The following TAOK1 variants were observed in gnomAD, a reference collection of about 807,000 sequenced individuals.
TAOK1 encodes TAO kinase 1.
A neutral mutation model predicts 138.3 loss-of-function variants in TAOK1; 21 were observed. The ratio of observed to expected loss-of-function variants is 0.15; its 90% CI spans 0.11 to 0.22. The LOEUF (loss-of-function observed/expected upper bound fraction) is 0.22, where lower values mean the gene tolerates loss of function less well. TAOK1 is among the 10% of genes least tolerant of loss of function. The pLI, the probability that TAOK1 is intolerant of heterozygous loss-of-function variation, is 1.00. For missense variants in TAOK1, 651 were observed against 1,227.7 expected (o/e 0.53, Z 7.02); for synonymous variants, 361 against 398.4 (o/e 0.91, Z 1.12).
At chr17:29,419,526 T>C (rs928569201) in intron 1 of TAOK1, among the ~76,000 whole-genome samples, 1 of 146,584 alleles carries the variant, frequency 6.8e-6, no homozygotes, top group African/African-American at 2.5e-5. Context: ...AATCTCTCTC[T>C]CTGTTGTCTA....
chr17:29,443,316 C>T (rs1190358584), intron 1 of TAOK1, among the ~76,000 whole-genome samples: 1 of 152,138 alleles, frequency 6.6e-6, no homozygotes, highest in East Asian at 1.9e-4. Context: ...ATTATCAGTA[C>T]CTTCCCCCAT....
chr17:29,405,523 A>C (rs1904964909), intron 1 of TAOK1, among the ~76,000 whole-genome samples: 1 of 152,122 alleles, frequency 6.6e-6, no homozygotes. Context: ...TCATGCCTGT[A>C]ATCCCAGCAT....
rs569238380 is a variant in TAOK1 at position 29,548,576 on chromosome 17, A to G, written c.*5554A>G. 6.6e-6 allele frequency: 1 copy of G among 152,222 alleles called. No individual in the cohort carries two copies. The highest frequency in any genetic ancestry group is 1.9e-4 in the East Asian group (1 of 5,190). 9.4% of individuals were successfully genotyped at this position (152,222 alleles called of 1,614,324 possible). ...TTTGTCATGAAAAAGTGGAGAGAAGATGAGACTTTTGAATGAATGAAAAAG... is the reference window on the plus strand; with the variant it reads ...TTTGTCATGAAAAAGTGGAGAGAAGGTGAGACTTTTGAATGAATGAAAAAG... On this transcript the variant is annotated 3_prime_UTR_variant, in exon 20 of 20. Transcript: ENST00000261716.
chr17:29,528,665 C>A (rs2032052322), intron 17 of TAOK1, among the ~76,000 whole-genome samples: 1 of 151,504 alleles, frequency 6.6e-6, no homozygotes, highest in Non-Finnish European at 1.5e-5. Flanking sequence ...CATGGTGAAA[C>A]CCTGTCTCTA....
intron 18 of TAOK1, among the ~76,000 whole-genome samples, chr17:29,532,997 C>G (rs1212697547): frequency 3.6e-4 from 1 of 2,816 alleles, no homozygotes; most frequent in Non-Finnish European, 1.0e-3. Context: ...CTGACCCCCC[C>G]ACCTCCAACC....
intron 2 of TAOK1, among the ~76,000 whole-genome samples, chr17:29,464,363 G>A (rs1379423728): frequency 6.6e-6 from 1 of 150,592 alleles, no homozygotes; most frequent in African/African-American, 2.4e-5. Context: ...AGAATGGCAT[G>A]AACCTGGGAG....
intron 1 of TAOK1, among the ~76,000 whole-genome samples, chr17:29,397,021 A>T (rs1362099676): frequency 8.1e-6 from 1 of 123,948 alleles, no homozygotes; most frequent in Non-Finnish European, 1.6e-5. Context: ...AGGGCTGGGC[A>T]TGGTGGCTCA....
chr17:29,442,220 A>AT (rs1349141458), intron 1 of TAOK1, among the ~76,000 whole-genome samples: 2 of 151,458 alleles, frequency 1.3e-5, no homozygotes, highest in Admixed American at 1.3e-4. Context: ...TAATTTTCAC[A>AT]TTTTTTGTAG....
intron 10 of TAOK1, among the ~76,000 whole-genome samples, chr17:29,492,898 T>C (rs961357208): frequency 6.6e-6 from 1 of 152,186 alleles, no homozygotes; most frequent in African/African-American, 2.4e-5. Context: ...CCCAGCTCTT[T>C]GGGAGGCCGA....
At chr17:29,469,537 A>G (rs1461064193) in intron 3 of TAOK1, among the ~76,000 whole-genome samples, 2 of 152,148 alleles carry the variant, frequency 1.3e-5, no homozygotes, top group Non-Finnish European at 2.9e-5. Context: ...TAGGTACTTA[A>G]TATAAGTGGA....
chr17:29,462,528 G>T (rs4794858), intron 2 of TAOK1, among the ~76,000 whole-genome samples: 122,209 of 152,120 alleles, frequency 0.8, 49,877 homozygotes, highest in East Asian at 0.98. Context: ...ACAAAGTGGG[G>T]TTTTGTTCAT....
intron 1 of TAOK1, among the ~76,000 whole-genome samples, chr17:29,397,712 T>G (rs920958387): frequency 2.0e-4 from 13 of 65,802 alleles, no homozygotes; most frequent in Admixed American, 3.1e-4. Context: ...CATACATGAA[T>G]ATACATGTAT....
At chr17:29,536,892 G>A (rs11868715) in intron 19 of TAOK1, among the ~76,000 whole-genome samples, 5,601 of 151,972 alleles carry the variant, frequency 0.037, 362 homozygotes, top group African/African-American at 0.13. Context: ...AGTAGAGACA[G>A]GGTTTCACCG....
chr17:29,519,525 A>G (rs868637156), intron 16 of TAOK1, among the ~76,000 whole-genome samples: 2 of 151,568 alleles, frequency 1.3e-5, no homozygotes, highest in South Asian at 2.1e-4. Context: ...TCTCAGAAAA[A>G]AAAAGAAAAG....
chr17:29,423,377 G>A (rs933326390), intron 1 of TAOK1, among the ~76,000 whole-genome samples: 3 of 151,330 alleles, frequency 2.0e-5, no homozygotes, highest in East Asian at 3.9e-4. Flanking sequence ...CACCACGCCC[G>A]GCTAATTTTT....
chr17:29,436,837 G>C (rs972423617), intron 1 of TAOK1, among the ~76,000 whole-genome samples: 1 of 152,100 alleles, frequency 6.6e-6, no homozygotes, highest in African/African-American at 2.4e-5. Flanking sequence ...ACATAATCCT[G>C]TTTGCCTTTC....
At chr17:29,491,713 G>A (rs1269679373) in intron 9 of TAOK1, 71 bp from the exon 10 acceptor site, 11 of 1,069,516 alleles carry the variant, frequency 1.0e-5, no homozygotes, top group South Asian at 2.6e-5. Flanking sequence ...CAATAGGCAC[G>A]TGTCTTGATT....
rs191517903 is a variant in TAOK1 at position 29,466,748 on chromosome 17, T to C, written c.133-397T>C. ...TCTGCCATCATTGTTTTACTCATGT[T>C]ATTGTCTTTAGGTCAGTTTTAGTAA... On this transcript the variant is annotated intron_variant, in intron 2 of 19. Coordinates refer to ENST00000261716, the MANE Select transcript of TAOK1 (RefSeq NM_020791.4). Among the ~76,000 whole-genome samples, 453 of 152,260 alleles carry C rather than the reference T, an allele frequency of 3.0e-3. 1 individual carries two copies. Among genetic ancestry groups the C allele is most frequent in the African/African-American group, 0.011 (444 of 41,578 alleles).
intron 8 of TAOK1, among the ~76,000 whole-genome samples, chr17:29,489,389 T>G (rs911856810): frequency 6.6e-6 from 1 of 152,140 alleles, no homozygotes; most frequent in South Asian, 2.1e-4. Flanking sequence ...TCCCAGCTAC[T>G]CGGGAGGCCG....
Sources: gnomAD v4.1 joint callset for allele counts (sites outside exome capture counted in the v4.1 genomes callset) on GRCh38, gnomAD v4.1.1 for gene constraint, MANE v1.5 for transcripts, NCBI Gene and HGNC (gene_info 2026-07-23, HGNC 2026-07-21) for gene names.